Variants in ITPKB observed in about 807,000 individuals in gnomAD.
ITPKB encodes inositol-trisphosphate 3-kinase B.
In ITPKB, 13 loss-of-function variants were observed where a neutral mutation model predicts 69.4. The observed-to-expected ratio is 0.19, with a 90% CI of 0.12 to 0.30. ITPKB has a LOEUF of 0.30. Ranked by LOEUF, ITPKB falls within the 10% of genes least tolerant of loss-of-function variation. The pLI, the probability that ITPKB is intolerant of heterozygous loss-of-function variation, is 1.00. For missense variants in ITPKB, 1,240 were observed against 1,250.5 expected (o/e 0.99, Z 0.13); for synonymous variants, 584 against 513.7 (o/e 1.14, Z -1.85).
intron 2 of ITPKB, among the ~76,000 whole-genome samples, chr1:226,669,453 C>T (rs1364289031): frequency 4.0e-5 from 6 of 151,806 alleles, no homozygotes; most frequent in African/African-American, 1.2e-4. Flanking sequence ...ACCACTGATT[C>T]AGCTTCCCAA....
intron 2 of ITPKB, among the ~76,000 whole-genome samples, chr1:226,704,294 G>A (rs1294685470): frequency 6.6e-6 from 1 of 152,160 alleles, no homozygotes; most frequent in African/African-American, 2.4e-5. Flanking sequence ...TCAATAATTA[G>A]ATCTCCGATG....
At chr1:226,693,348 T>C (rs1471756980) in intron 2 of ITPKB, among the ~76,000 whole-genome samples, 2 of 152,344 alleles carry the variant, frequency 1.3e-5, no homozygotes, top group South Asian at 4.1e-4. Context: ...CGAGCGATGA[T>C]GGGCAGCTCT....
At chr1:226,643,080 G>C (rs1668995237) in intron 4 of ITPKB, among the ~76,000 whole-genome samples, 2 of 152,196 alleles carry the variant, frequency 1.3e-5, no homozygotes, top group African/African-American at 4.8e-5. Flanking sequence ...CAAAAAGCCT[G>C]AGAAAATGCT....
Position 226,638,839 on chromosome 1 carries a change from C to T in ITPKB, c.2553+718G>A, listed in dbSNP as rs527763622. ...CACGCTTGGCATGACACCTGGCAGA[C>T]GGCGGGCACTGTTCTCTCTCTCAGG... On this transcript the variant is annotated intron_variant, in intron 6 of 7. Transcript: ENST00000429204. Among the ~76,000 whole-genome samples, 289 of 152,024 alleles carry T rather than the reference C, an allele frequency of 1.9e-3. 1 individual carries two copies. Among genetic ancestry groups the T allele is most frequent in the African/African-American group, 6.2e-3 (258 of 41,456 alleles).
intron 2 of ITPKB, among the ~76,000 whole-genome samples, chr1:226,708,301 C>T (rs1210399322): frequency 6.6e-6 from 1 of 152,034 alleles, no homozygotes; most frequent in African/African-American, 2.4e-5. Flanking sequence ...TTGTTAAAAA[C>T]CAAAAAGAAC....
chr1:226,724,328 A>G (rs890092282), intron 2 of ITPKB, among the ~76,000 whole-genome samples: 1 of 152,150 alleles, frequency 6.6e-6, no homozygotes, highest in Non-Finnish European at 1.5e-5. Context: ...AAGAGCTCCC[A>G]GACCCCATGA....
At chr1:226,714,917 T>C (rs1657059838) in intron 2 of ITPKB, among the ~76,000 whole-genome samples, 1 of 152,240 alleles carries the variant, frequency 6.6e-6, no homozygotes, top group South Asian at 2.1e-4. Context: ...TGGAGACATC[T>C]GGTTGTCACA....
chr1:226,706,312 G>T (rs1656800942), intron 2 of ITPKB, among the ~76,000 whole-genome samples: 1 of 152,216 alleles, frequency 6.6e-6, no homozygotes, highest in Admixed American at 6.5e-5. Flanking sequence ...GCTGGACAGT[G>T]GTTTCCTCCA....
chr1:226,673,596 T>C (rs913469343), intron 2 of ITPKB, among the ~76,000 whole-genome samples: 1 of 152,224 alleles, frequency 6.6e-6, no homozygotes, highest in Non-Finnish European at 1.5e-5. Flanking sequence ...CTAAATTCTC[T>C]AGATGTATGG....
intron 2 of ITPKB, among the ~76,000 whole-genome samples, chr1:226,681,081 C>A (rs1656082549): frequency 6.6e-6 from 1 of 152,194 alleles, no homozygotes; most frequent in South Asian, 2.1e-4. Flanking sequence ...TCCTTGATAG[C>A]CTTTCAGCTG....
At chr1:226,652,898 C>A (rs889054792) in intron 2 of ITPKB, among the ~76,000 whole-genome samples, 4 of 152,180 alleles carry the variant, frequency 2.6e-5, no homozygotes, top group Admixed American at 2.6e-4. Flanking sequence ...GATGTGGGGT[C>A]GGCCTAGCCA....
intron 2 of ITPKB, among the ~76,000 whole-genome samples, chr1:226,653,507 A>G (rs1452528606): frequency 1.3e-5 from 2 of 152,140 alleles, no homozygotes; most frequent in African/African-American, 2.4e-5. Context: ...CCCCAGATAC[A>G]TCCCTCCCTG....
intron 2 of ITPKB, among the ~76,000 whole-genome samples, chr1:226,682,230 T>A (rs765529073): frequency 5.9e-5 from 9 of 152,190 alleles, no homozygotes; most frequent in Non-Finnish European, 1.2e-4. Flanking sequence ...GATTTATTTG[T>A]TAAGCTCCCA....
At position 226,704,049 on chromosome 1, in the gene ITPKB, C is replaced by T. The variant is rs1004647633; in HGVS notation, c.1932+31478G>A. On this transcript the variant is annotated intron_variant, in intron 2 of 7. Transcript: ENST00000429204. Reference sequence around the variant, plus strand: ...GTAGCGGTTCTGCCCGAAACCCATCCGCCCAAGGCTTTTATTTTCCTAGAT... The same window carrying T: ...GTAGCGGTTCTGCCCGAAACCCATCTGCCCAAGGCTTTTATTTTCCTAGAT... Among the ~76,000 whole-genome samples the T allele has an allele frequency of 9.2e-5, 14 of 152,324 alleles. No homozygotes were observed. The East Asian group carries it at 1.9e-3, about 21-fold the overall frequency.
chr1:226,718,020 C>T (rs542784041), intron 2 of ITPKB, among the ~76,000 whole-genome samples: 4 of 152,284 alleles, frequency 2.6e-5, no homozygotes, highest in African/African-American at 7.2e-5. Context: ...GTTGGCCGGG[C>T]GTGGTAGCTC....
intron 2 of ITPKB, among the ~76,000 whole-genome samples, chr1:226,685,633 C>T (rs545449361): frequency 3.9e-5 from 6 of 152,336 alleles, no homozygotes; most frequent in South Asian, 4.1e-4. Flanking sequence ...CTCTACCCAA[C>T]GACTCTGTGA....
intron 2 of ITPKB, among the ~76,000 whole-genome samples, chr1:226,727,513 G>A (rs968668869): frequency 3.9e-5 from 6 of 152,142 alleles, no homozygotes; most frequent in East Asian, 1.9e-4. Context: ...CAGGCTGAAC[G>A]CTCCCTGTAG....
intron 2 of ITPKB, among the ~76,000 whole-genome samples, chr1:226,696,744 T>A (rs925943421): frequency 2.0e-5 from 3 of 152,134 alleles, no homozygotes; most frequent in African/African-American, 7.2e-5. Flanking sequence ...GGGCTCCAAG[T>A]ATTTCCTAAG....
At chr1:226,659,814 TG>T (rs1363400662) in intron 2 of ITPKB, 1 of 152,124 alleles carries the variant, frequency 6.6e-6, no homozygotes, top group Non-Finnish European at 1.5e-5. Flanking sequence ...GGAAGGCTCC[TG>T]GGGAACTGGG....
Sources: allele counts gnomAD v4.1 joint callset (sites outside exome capture counted in the v4.1 genomes callset), GRCh38; gene constraint gnomAD v4.1.1; transcripts MANE v1.5; gene names NCBI Gene and HGNC (gene_info 2026-07-23, HGNC 2026-07-21).